The following PDE4DIP variants were observed in gnomAD, a reference collection of about 807,000 sequenced individuals.
PDE4DIP encodes phosphodiesterase 4D interacting protein, also known as myomegalin.
PDE4DIP carries 59 observed loss-of-function variants against 221.4 expected under a neutral mutation model. The ratio of observed to expected loss-of-function variants is 0.27; its 90% CI spans 0.22 to 0.33. PDE4DIP has a LOEUF of 0.33. Ranked by LOEUF, PDE4DIP falls within the 10% of genes least tolerant of loss-of-function variation. The pLI is 1.00. For synonymous variants in PDE4DIP, 404 were observed against 815.9 expected (o/e 0.50, Z 8.60); for missense variants, 1,036 against 2,154.2 (o/e 0.48, Z 10.28).
chr1:148,964,107 C>A (rs1176178529), intron 9 of PDE4DIP, among the ~76,000 whole-genome samples: 1 of 134,390 alleles, frequency 7.4e-6, no homozygotes, highest in Non-Finnish European at 1.6e-5. Flanking sequence ...TTCTTTCTTT[C>A]TTTCATTTTT....
chr1:148,820,720 G>C (rs797026580), intron 1 of PDE4DIP, among the ~76,000 whole-genome samples: 3 of 148,866 alleles, frequency 2.0e-5, no homozygotes, highest in Non-Finnish European at 3.0e-5. Flanking sequence ...TTTTTGGGGG[G>C]GGGGTGGCTA....
chr1:148,919,761 C>G (rs2045060801), intron 1 of PDE4DIP, among the ~76,000 whole-genome samples: 1 of 150,918 alleles, frequency 6.6e-6, no homozygotes, highest in Non-Finnish European at 1.5e-5. Flanking sequence ...CAGGGTTTCC[C>G]TACAAGATTT....
intron 22 of PDE4DIP, among the ~76,000 whole-genome samples, chr1:148,994,806 C>G (rs1243960814): frequency 2.7e-5 from 4 of 150,676 alleles, no homozygotes; most frequent in African/African-American, 7.3e-5. Context: ...TCTCCCTCCC[C>G]ACTCCACCAG....
chr1:148,975,325 T>C (rs3855554), intron 17 of PDE4DIP, among the ~76,000 whole-genome samples: 16,447 of 141,968 alleles, frequency 0.12, 553 homozygotes, highest in Middle Eastern at 0.19. Context: ...TTATCAAGTA[T>C]TCATGTGCAA....
Position 148,822,608 on chromosome 1 carries a change from C to G in PDE4DIP, c.233+13871C>G, listed in dbSNP as rs6665196. On this transcript the variant is annotated intron_variant, in intron 1 of 45. Coordinates refer to the PDE4DIP transcript ENST00000524974. Reference sequence around the variant, plus strand: ...GGTTGGAGACCACTGCCCTAGGACACTTTAACCTCTTCATGAAGTTGCCTG... The same window carrying G: ...GGTTGGAGACCACTGCCCTAGGACAGTTTAACCTCTTCATGAAGTTGCCTG... Among the ~76,000 whole-genome samples the G allele has an allele frequency of 8.8e-3, 1,321 of 149,454 alleles. 24 individuals carry two copies. The highest frequency in any genetic ancestry group is 0.031 in the African/African-American group (1,265 of 40,526).
chr1:148,962,356 A>T (rs1164620290), intron 8 of PDE4DIP, 68 bp downstream of exon 11: 4 of 1,512,660 alleles, frequency 2.6e-6, no homozygotes, highest in Non-Finnish European at 3.7e-6. Context: ...TGCAGTCTTG[A>T]TTTTATTTTT....
At chr1:148,888,867 C>A (rs3845315), upstream of PDE4DIP, among the ~76,000 whole-genome samples, 1 of 103,262 alleles carries the variant, frequency 9.7e-6, no homozygotes, top group Non-Finnish European at 2.0e-5. Context: ...GAGGGAGGAT[C>A]CCTTGACCCT....
intron 20 of PDE4DIP, among the ~76,000 whole-genome samples, chr1:148,980,623 T>G (rs2060926820): frequency 6.6e-6 from 1 of 152,174 alleles, no homozygotes; most frequent in Admixed American, 6.5e-5. Flanking sequence ...TACTAGCCCC[T>G]TTTATTCTTT....
intron 17 of PDE4DIP, among the ~76,000 whole-genome samples, chr1:148,974,928 C>A (rs587760131): frequency 1.2e-5 from 1 of 86,720 alleles, no homozygotes; most frequent in African/African-American, 3.9e-5. Flanking sequence ...CTTTGGGAGG[C>A]CGAGGTGGGC....
At chr1:148,820,426 G>T (rs1668767631) in intron 1 of PDE4DIP, among the ~76,000 whole-genome samples, 2 of 148,736 alleles carry the variant, frequency 1.3e-5, no homozygotes, top group African/African-American at 5.1e-5. Flanking sequence ...AAATTAGCCG[G>T]GCGTGGTGGC....
intron 27 of PDE4DIP, among the ~76,000 whole-genome samples, chr1:149,006,991 C>T (rs1313449472): frequency 1.4e-5 from 2 of 140,902 alleles, no homozygotes; most frequent in African/African-American, 5.3e-5. Context: ...CGTGAGCTAC[C>T]ACGCCCGGCC....
chr1:149,032,976 A>G (rs13247), exon 44 of PDE4DIP: 41 of 190,040 alleles, frequency 2.2e-4, no homozygotes, highest in South Asian at 9.9e-4. Context: ...GGTGATTGTT[A>G]AAGCAAAATG....
chr1:149,030,172 G>A lies in PDE4DIP; in HGVS notation c.6953-60G>A, dbSNP rs587632261. 34 of 1,323,204 alleles carry A rather than the reference G, an allele frequency of 2.6e-5. 1 individual carries two copies. In the East Asian group the frequency reaches 4.1e-4, roughly 16 times the overall value. The allele number at this position is 1,323,204 out of a possible 1,614,324, so 82.0% of individuals were successfully genotyped here. A position where few individuals can be genotyped will look rare whatever the true frequency, so the allele number is the denominator to read the frequency against. ...AAATGCTTTAGAATTCTCATGCTAA[G>A]CAAGTAGGGTTAATTTCTGCTGGTG... is the stretch of plus-strand genomic sequence containing the variant. On this transcript the variant is annotated intron_variant, in intron 42 of 43. Transcript: ENST00000369354.
chr1:148,842,499 ATCT>A (rs1675270023), intron 1 of PDE4DIP, among the ~76,000 whole-genome samples: 1 of 21,306 alleles, frequency 4.7e-5, no homozygotes, highest in African/African-American at 1.0e-4. Flanking sequence ...TTCTTCTGAA[ATCT>A]AACGCAAAAA....
At chr1:148,910,216 G>A in intron 1 of PDE4DIP, among the ~76,000 whole-genome samples, 1 of 102,044 alleles carries the variant, frequency 9.8e-6, no homozygotes, top group African/African-American at 4.4e-5. Flanking sequence ...TATGTAGAAT[G>A]TTGGAAAGTG....
intron 4 of PDE4DIP, among the ~76,000 whole-genome samples, chr1:148,933,935 C>A (rs1573733767): frequency 6.7e-6 from 1 of 148,534 alleles, no homozygotes; most frequent in African/African-American, 2.5e-5. Context: ...TCTTGTTTAA[C>A]AGCCCCATGA....
chr1:149,026,587 G>T (rs1303467928), intron 38 of PDE4DIP, 128 bp from the exon 42 acceptor site: 14 of 551,122 alleles, frequency 2.5e-5, no homozygotes, highest in African/African-American at 5.6e-5. Flanking sequence ...GGCTTGTGGG[G>T]TATGGATAAT....
chr1:148,836,807 TA>T (rs1444320680), intron 1 of PDE4DIP, among the ~76,000 whole-genome samples: 4 of 110,986 alleles, frequency 3.6e-5, no homozygotes, highest in Non-Finnish European at 3.9e-5. Flanking sequence ...TTCTCTTCTA[TA>T]AAAAGAGGGT....
At chr1:149,032,121 C>T (rs587672676) in exon 44 of PDE4DIP, 63 of 1,551,810 alleles carry the variant, frequency 4.1e-5, no homozygotes, top group African/African-American at 2.3e-4. Context: ...TCCAAGTCCA[C>T]GGGAGGGTCC....
Sources: gnomAD v4.1 joint callset for allele counts (sites outside exome capture counted in the v4.1 genomes callset) on GRCh38, gnomAD v4.1.1 for gene constraint, MANE v1.5 for transcripts, NCBI Gene and HGNC (gene_info 2026-07-23, HGNC 2026-07-21) for gene names.